Variants in CDKL3 observed in about 807,000 individuals in gnomAD.
CDKL3 encodes the protein cyclin dependent kinase like 3.
CDKL3 carries 65 observed loss-of-function variants against 69.3 expected under a neutral mutation model. The ratio of observed to expected loss-of-function variants is 0.94; its 90% CI spans 0.77 to 1.15. The LOEUF is 1.15. CDKL3 is among the 50% of genes most tolerant of loss of function. CDKL3 has a pLI of 0.00. For synonymous variants in CDKL3, 202 were observed against 221.6 expected (o/e 0.91, Z 0.79); for missense variants, 652 against 689.2 (o/e 0.95, Z 0.61).
At chr5:134,295,730 G>C (rs2149406033), downstream of CDKL3, among the ~76,000 whole-genome samples, 1 of 152,016 alleles carries the variant, frequency 6.6e-6, no homozygotes, top group Non-Finnish European at 1.5e-5. Flanking sequence ...GTAGAGTCCT[G>C]GTAAAACACC....
At chr5:134,368,618 CAAAAAAAA>C (rs11339001), upstream of CDKL3, among the ~76,000 whole-genome samples, 2 of 69,812 alleles carry the variant, frequency 2.9e-5, no homozygotes, top group Non-Finnish European at 5.0e-5. Context: ...GACTCCATCT[CAAAAAAAA>C]AAAAAAAAAA....
In CDKL3 at chr5:134,319,365, A is replaced by C; in HGVS notation, c.785T>G (p.Ile262Arg). ...YPKLNGLLAD[I>R]VHACLQIDPA... Reference sequence around the variant, plus strand: ...AAAAAAAAAAAAACATACATGAACTATATCTGCCAACAATCCATTAAGCTT... The same window carrying C: ...AAAAAAAAAAAAACATACATGAACTCTATCTGCCAACAATCCATTAAGCTT... Residue 262 changes from isoleucine to arginine, a missense_variant, in exon 6 of 13, where the codon ATA (isoleucine) becomes AGA (arginine). Coordinates refer to ENST00000265334, the MANE Select transcript of CDKL3 (RefSeq NM_001113575.2). The C allele has an allele frequency of 6.6e-7, 1 of 1,514,550 alleles. No individual in the cohort carries two copies. The highest frequency in any genetic ancestry group is 1.3e-5 in the South Asian group (1 of 76,794). The allele number at this position is 1,514,550 out of a possible 1,614,324, so 93.8% of individuals were successfully genotyped here.
At chr5:134,367,306 T>C, upstream of CDKL3, 4 of 984,822 alleles carry the variant, frequency 4.1e-6, no homozygotes, top group Non-Finnish European at 4.8e-6. Flanking sequence ...GAGTACAGAT[T>C]GCTGTCGCAG....
chr5:134,327,230 G>A (rs1441309880), intron 4 of CDKL3, among the ~76,000 whole-genome samples: 2 of 152,164 alleles, frequency 1.3e-5, no homozygotes, highest in Non-Finnish European at 1.5e-5. Flanking sequence ...ATGCAGTGCA[G>A]AGAATACTGG....
intron 4 of CDKL3, among the ~76,000 whole-genome samples, chr5:134,341,219 A>C (rs1750407183): frequency 6.6e-6 from 1 of 152,206 alleles, no homozygotes; most frequent in Non-Finnish European, 1.5e-5. Context: ...GCATCTATGA[A>C]AAATCATCTA....
chr5:134,352,840 G>A (rs1299620272), intron 3 of CDKL3, among the ~76,000 whole-genome samples: 1 of 152,100 alleles, frequency 6.6e-6, no homozygotes, highest in Non-Finnish European at 1.5e-5. Context: ...CTTATTAGAT[G>A]TATGGTTTGC....
chr5:134,305,748 A>G (rs1767639824), intron 10 of CDKL3, among the ~76,000 whole-genome samples: 1 of 152,184 alleles, frequency 6.6e-6, no homozygotes, highest in Admixed American at 6.5e-5. Context: ...TATTGTTTTC[A>G]GTTTTTTGTT....
At chr5:134,304,895 C>T (rs764919091) in intron 10 of CDKL3, among the ~76,000 whole-genome samples, 2 of 150,520 alleles carry the variant, frequency 1.3e-5, no homozygotes, top group Non-Finnish European at 3.0e-5. Flanking sequence ...GCAGCGTCAA[C>T]CCCCTGGGCT....
downstream of CDKL3, among the ~76,000 whole-genome samples, chr5:134,293,544 T>C (rs1765218343): frequency 6.6e-6 from 1 of 152,088 alleles, no homozygotes; most frequent in Non-Finnish European, 1.5e-5. Context: ...ATTAACCATT[T>C]CAGTGCTTTG....
intron 3 of CDKL3, among the ~76,000 whole-genome samples, chr5:134,355,830 G>A (rs1249031598): frequency 6.6e-6 from 1 of 152,154 alleles, no homozygotes; most frequent in Non-Finnish European, 1.5e-5. Flanking sequence ...AGCTGCTGTG[G>A]AGACATGGCA....
intron 4 of CDKL3, among the ~76,000 whole-genome samples, chr5:134,342,203 A>G (rs1750662152): frequency 6.6e-6 from 1 of 152,232 alleles, no homozygotes; most frequent in African/African-American, 2.4e-5. Context: ...CAAATTAAGA[A>G]AACTCCATTC....
At chr5:134,363,141 G>A (rs946469047) in intron 2 of CDKL3, among the ~76,000 whole-genome samples, 1 of 152,030 alleles carries the variant, frequency 6.6e-6, no homozygotes, top group South Asian at 2.1e-4. Flanking sequence ...TGCCTTGGGG[G>A]AAAAAAATCT....
intron 3 of CDKL3, among the ~76,000 whole-genome samples, chr5:134,351,582 G>A (rs918461702): frequency 1.3e-5 from 2 of 151,572 alleles, no homozygotes; most frequent in African/African-American, 4.8e-5. Flanking sequence ...CTATAAGCGC[G>A]TGTCTGTAGT....
At chr5:134,303,320 G>A (rs1005259932) in intron 11 of CDKL3, among the ~76,000 whole-genome samples, 3 of 151,994 alleles carry the variant, frequency 2.0e-5, no homozygotes, top group South Asian at 2.1e-4. Flanking sequence ...CAGGTGATCC[G>A]CCCACCTTGG....
intron 2 of CDKL3, among the ~76,000 whole-genome samples, chr5:134,365,054 C>T (rs1282071401): frequency 6.6e-6 from 1 of 151,384 alleles, no homozygotes; most frequent in Non-Finnish European, 1.5e-5. Context: ...GCTGTCTTGG[C>T]TCACTGCAAG....
intron 7 of CDKL3, among the ~76,000 whole-genome samples, chr5:134,309,688 A>G (rs907120816): frequency 6.6e-6 from 1 of 152,182 alleles, no homozygotes; most frequent in Non-Finnish European, 1.5e-5. Context: ...ATTCTTCCCT[A>G]GTCCAGCCCA....
chr5:134,366,270 G>T, intron 2 of CDKL3, 89 bp downstream of exon 2: 1 of 844,888 alleles, frequency 1.2e-6, no homozygotes, highest in Non-Finnish European at 1.8e-6. Context: ...ATATGAATCA[G>T]TACGTGTGAA....
At chr5:134,356,297 G>T (rs562737362) in intron 3 of CDKL3, among the ~76,000 whole-genome samples, 2 of 152,190 alleles carry the variant, frequency 1.3e-5, no homozygotes, top group Non-Finnish European at 2.9e-5. Flanking sequence ...AGCTCAGGTG[G>T]TAATGCGAGC....
intron 3 of CDKL3, among the ~76,000 whole-genome samples, chr5:134,357,424 G>A (rs1436176094): frequency 6.6e-6 from 1 of 151,110 alleles, no homozygotes; most frequent in African/African-American, 2.4e-5. Flanking sequence ...GGGCTACAGA[G>A]CAAGACTCTG....
Sources: gnomAD v4.1 joint callset for allele counts (sites outside exome capture counted in the v4.1 genomes callset) on GRCh38, gnomAD v4.1.1 for gene constraint, MANE v1.5 for transcripts, NCBI Gene and HGNC (gene_info 2026-07-23, HGNC 2026-07-21) for gene names.